TMEM175: variants seen among roughly 807,000 people sequenced by gnomAD.
TMEM175 encodes the protein transmembrane protein 175, also known as endosomal/lysosomal proton channel TMEM175.
A neutral mutation model predicts 36.5 loss-of-function variants in TMEM175; 36 were observed. The observed-to-expected ratio is 0.99, with a 90% CI of 0.76 to 1.30. TMEM175 has a LOEUF of 1.30. Ranked by LOEUF, TMEM175 falls within the 50% of genes most tolerant of loss-of-function variation. The pLI is 0.00. For missense variants in TMEM175, 705 were observed against 692.8 expected (o/e 1.02, Z -0.20); for synonymous variants, 339 against 313.4 (o/e 1.08, Z -0.86).
intron 1 of TMEM175, among the ~76,000 whole-genome samples, chr4:938,124 AG>A (rs1727005404): frequency 6.6e-6 from 1 of 152,260 alleles, no homozygotes; most frequent in African/African-American, 2.4e-5. Context: ...CCCTAAGACC[AG>A]GAACAAGCCA....
intron 1 of TMEM175, among the ~76,000 whole-genome samples, chr4:935,533 A>C: frequency 6.6e-6 from 1 of 152,256 alleles, no homozygotes; most frequent in Non-Finnish European, 1.5e-5. Context: ...CACAAAGCAT[A>C]AACTAATAGC....
At position 951,230 on chromosome 4, in the gene TMEM175, CAG is replaced by C. The variant is rs1459527687; in HGVS notation, c.316_317del (p.Asp106ArgfsTer29). ...AGGTTGTTCCAAGTTGTTGGGAAAA[CAG>C]ACGACACACTTGCCCTGCTCAACCT... On this transcript the variant is annotated frameshift_variant, in exon 5 of 11. Coordinates refer to ENST00000264771, the MANE Select transcript of TMEM175 (RefSeq NM_032326.4). LOFTEE classifies it high-confidence loss of function. 6.8e-6 allele frequency: 11 copies of C among 1,613,986 alleles called. No individual in the cohort carries two copies. The highest frequency in any genetic ancestry group is 9.3e-6 in the Non-Finnish European group (11 of 1,180,014).
At chr4:950,378 C>T (rs760106325) in intron 3 of TMEM175, 43 bp from the exon 4 acceptor site, 4 of 1,485,030 alleles carry the variant, frequency 2.7e-6, no homozygotes, top group African/African-American at 2.8e-5. Context: ...TTCAGGGACA[C>T]TCATGTCACC....
chr4:955,458 C>A lies in TMEM175; in HGVS notation c.681C>A (p.Thr227=). 1 of 1,614,124 alleles carries A rather than the reference C, an allele frequency of 6.2e-7. No homozygotes were observed. Among genetic ancestry groups the A allele is most frequent in the Non-Finnish European group, 8.5e-7 (1 of 1,179,992 alleles). Residue 227 remains threonine, a synonymous_variant, in exon 9 of 11, where the codon ACC becomes ACA. Coordinates refer to ENST00000264771, the MANE Select transcript of TMEM175 (RefSeq NM_032326.4). The part of the protein sequence containing the change: ...VILLPYVSKV[T]GWCRDRLLGH... ...TCCTCCCCTATGTCAGCAAGGTCACCGGCTGGTGCAGAGACAGGCTCCTGG... is the reference window on the plus strand; with the variant it reads ...TCCTCCCCTATGTCAGCAAGGTCACAGGCTGGTGCAGAGACAGGCTCCTGG...
At position 932,547 on chromosome 4, in the gene TMEM175, C is replaced by A; in HGVS notation, c.-32+7C>A. On this transcript the variant is annotated splice_region_variant and intron_variant, in intron 1 of 10. Coordinates refer to ENST00000264771, the MANE Select transcript of TMEM175 (RefSeq NM_032326.4). The surrounding 1 kb of genome is among the most constrained non-coding windows in gnomAD (Gnocchi z 4.0). ...CGAGGCGATTCCCGCCCAGGTAGTT[C>A]AGCGCCCCAGTCCAGCTCCCGGTAC... 2.2e-6 allele frequency: 1 copy of A among 450,212 alleles called. No individual in the cohort carries two copies. Among genetic ancestry groups the A allele is most frequent in the Admixed American group, 4.4e-5 (1 of 22,632 alleles). The allele number at this position is 450,212 out of a possible 1,614,324, so 27.9% of individuals were successfully genotyped here. A position where few individuals can be genotyped will look rare whatever the true frequency, so the allele number is the denominator to read the frequency against.
At chr4:949,539 G>T (rs1439085597) in intron 3 of TMEM175, among the ~76,000 whole-genome samples, 1 of 152,214 alleles carries the variant, frequency 6.6e-6, no homozygotes, top group African/African-American at 2.4e-5. Context: ...AAAGACAGTT[G>T]TAACTTTGAA....
At chr4:943,505 G>A (rs955914774) in intron 1 of TMEM175, among the ~76,000 whole-genome samples, 1 of 152,180 alleles carries the variant, frequency 6.6e-6, no homozygotes, top group Non-Finnish European at 1.5e-5. Flanking sequence ...GCCCGCCTCG[G>A]CCTCCCAAAG....
intron 1 of TMEM175, among the ~76,000 whole-genome samples, chr4:944,330 T>G (rs2152999115): frequency 6.6e-6 from 1 of 152,254 alleles, no homozygotes; most frequent in South Asian, 2.1e-4. Flanking sequence ...AAAATTACAG[T>G]GACAGAAAAC....
At chr4:953,932 C>A (rs565744616) in intron 8 of TMEM175, among the ~76,000 whole-genome samples, 3 of 152,196 alleles carry the variant, frequency 2.0e-5, no homozygotes, top group African/African-American at 7.2e-5. Flanking sequence ...GTGATCCTCC[C>A]GCCTTAGCCT....
At chr4:951,310 C>A in intron 5 of TMEM175, 52 bp downstream of exon 5, 1 of 1,602,486 alleles carries the variant, frequency 6.2e-7, no homozygotes, top group Non-Finnish European at 8.6e-7. Flanking sequence ...TGTAATCTGA[C>A]CCTCAGGGAA....
At position 953,235 on chromosome 4, in the gene TMEM175, C is replaced by T. The variant is rs1729182207; in HGVS notation, c.508C>T (p.Pro170Ser). 2.5e-6 allele frequency: 4 copies of T among 1,613,562 alleles called. No individual in the cohort carries two copies. Among genetic ancestry groups the T allele is most frequent in the Non-Finnish European group, 3.4e-6 (4 of 1,179,758 alleles). Residue 170 changes from proline (P) to serine (S), a missense_variant, in exon 8 of 11, where the codon CCG (proline) becomes TCG (serine). Transcript: ENST00000264771. ...YAFHFPHLLS[P>S]QIQRSAHRAL... ...ATTCCACTTCCCGCACCTGCTGAGC[C>T]CGCAGATCCAGCGCTCTGCCCACAG...
At chr4:957,614 T>A (rs1191062745) in intron 10 of TMEM175, among the ~76,000 whole-genome samples, 1 of 152,224 alleles carries the variant, frequency 6.6e-6, no homozygotes, top group Non-Finnish European at 1.5e-5. Flanking sequence ...GGTGCCAGTT[T>A]CTATGGAATT....
chr4:951,632 G>A (rs1212260186), intron 5 of TMEM175, 50 bp from the exon 6 acceptor site: 3 of 1,613,368 alleles, frequency 1.9e-6, no homozygotes, highest in African/African-American at 1.3e-5. Context: ...CCATTCCCCT[G>A]CCCTTCTCCC....
intron 1 of TMEM175, among the ~76,000 whole-genome samples, chr4:947,262 A>G (rs1728298855): frequency 7.6e-6 from 1 of 132,364 alleles, no homozygotes; most frequent in African/African-American, 2.9e-5. Context: ...AGAGCGGGGG[A>G]GAGCGCGGCC....
At chr4:938,288 G>A (rs921802869) in intron 1 of TMEM175, among the ~76,000 whole-genome samples, 2 of 152,188 alleles carry the variant, frequency 1.3e-5, no homozygotes, top group African/African-American at 4.8e-5. Context: ...TGGGTCACCT[G>A]AGGTCAGGAG....
At chr4:946,441 C>T (rs1253362238) in intron 1 of TMEM175, among the ~76,000 whole-genome samples, 1 of 151,686 alleles carries the variant, frequency 6.6e-6, no homozygotes, top group Non-Finnish European at 1.5e-5. Context: ...CGAGGCTGCC[C>T]ACTCGGGTGC....
intron 3 of TMEM175, 167 bp downstream of exon 3, chr4:948,321 T>G: frequency 1.3e-6 from 2 of 1,544,926 alleles, no homozygotes; most frequent in East Asian, 2.4e-5. Flanking sequence ...AGCCAACAAG[T>G]CCTGCTCAGC....
At chr4:956,410 C>G in intron 10 of TMEM175, 1 of 1,288,250 alleles carries the variant, frequency 7.8e-7, no homozygotes, top group Non-Finnish European at 1.0e-6. Flanking sequence ...GCGCGCGTCT[C>G]GTCTCAGTCG....
chr4:948,181 G>A, intron 3 of TMEM175, 27 bp downstream of exon 3: 1 of 1,614,086 alleles, frequency 6.2e-7, no homozygotes, highest in Non-Finnish European at 8.5e-7. Flanking sequence ...TGCTCTGCGT[G>A]GTGTGGCCCT....
Sources: allele counts gnomAD v4.1 joint callset (sites outside exome capture counted in the v4.1 genomes callset), GRCh38; gene constraint gnomAD v4.1.1; non-coding constraint Gnocchi (gnomAD v3.1); transcripts MANE v1.5; gene names NCBI Gene and HGNC (gene_info 2026-07-23, HGNC 2026-07-21).